The following HPSE2 variants were observed in gnomAD, a reference collection of about 807,000 sequenced individuals.
HPSE2 encodes heparanase 2 (inactive).
HPSE2 carries 38 observed loss-of-function variants against 60.5 expected under a neutral mutation model. That is an observed-to-expected ratio of 0.63 (90% CI 0.48 to 0.82). HPSE2 has a LOEUF of 0.82. Ranked by LOEUF, HPSE2 falls within the 40% of genes least tolerant of loss-of-function variation. The pLI is 0.00. For synonymous variants in HPSE2, 295 were observed against 293.2 expected, an observed-to-expected ratio of 1.01 and a Z score of -0.06; for missense variants, 713 against 740.4, an observed-to-expected ratio of 0.96 and a Z score of 0.43.
intron 9 of HPSE2, among the ~76,000 whole-genome samples, chr10:98,561,165 G>GTT (rs141881144): frequency 0.28 from 40,328 of 144,868 alleles, 6,988 homozygotes; most frequent in East Asian, 0.37. Context: ...TTTTTTTTTT[G>GTT]TTCTTTTTTT....
intron 3 of HPSE2, among the ~76,000 whole-genome samples, chr10:98,962,356 T>G (rs1275420154): frequency 2.0e-5 from 3 of 150,386 alleles, no homozygotes; most frequent in Non-Finnish European, 3.0e-5. Flanking sequence ...TTCACGATAT[T>G]GATTCTTCCT....
Position 98,858,772 on chromosome 10 carries a change from A to G in HPSE2, c.611-114716T>C, listed in dbSNP as rs373599539. Reference sequence around the variant, plus strand: ...TGCTAGAAGAAATAGAGGCTACATAACCCCTACCTACCTTACCAACAGGTT... The same window carrying G: ...TGCTAGAAGAAATAGAGGCTACATAGCCCCTACCTACCTTACCAACAGGTT... On this transcript the variant is annotated intron_variant, in intron 3 of 11. Coordinates refer to ENST00000370552, the MANE Select transcript of HPSE2 (RefSeq NM_021828.5). Among the ~76,000 whole-genome samples, 116 of 152,308 alleles carry G rather than the reference A, an allele frequency of 7.6e-4. 1 individual carries two copies. Among genetic ancestry groups the G allele is most frequent in the African/African-American group, 2.7e-3 (112 of 41,568 alleles).
intron 10 of HPSE2, among the ~76,000 whole-genome samples, chr10:98,484,254 CT>C (rs2133655448): frequency 6.7e-6 from 1 of 148,924 alleles, no homozygotes; most frequent in East Asian, 2.0e-4. Flanking sequence ...TCCTTCCTTC[CT>C]TTCTTTCTTT....
intron 3 of HPSE2, among the ~76,000 whole-genome samples, chr10:99,068,984 CAAAG>C (rs1842701495): frequency 6.6e-6 from 1 of 152,124 alleles, no homozygotes; most frequent in African/African-American, 2.4e-5. Flanking sequence ...AATCTTCACT[CAAAG>C]AAAAGCCAAG....
chr10:99,085,779 A>G (rs569346049), intron 3 of HPSE2, among the ~76,000 whole-genome samples: 48 of 152,218 alleles, frequency 3.2e-4, no homozygotes, highest in Non-Finnish European at 6.0e-4. Flanking sequence ...CGAATTCCTC[A>G]GTTTAGCATT....
At position 98,457,357 on chromosome 10, in the gene HPSE2, T is replaced by C. The variant is rs1181655819; in HGVS notation, c.*2217A>G. 6.6e-6 allele frequency: 1 copy of C among 152,222 alleles called. No homozygotes were observed. Among genetic ancestry groups the C allele is most frequent in the East Asian group, 1.9e-4 (1 of 5,168 alleles). The allele number at this position is 152,222 out of a possible 1,614,324, so 9.4% of individuals were successfully genotyped here. A position where few individuals can be genotyped will look rare whatever the true frequency, so the allele number is the denominator to read the frequency against. ...CTGAGTGGGCAGGCTCTGGATTATT[T>C]CGCGCTCGGCAACCCATTTCCCCGG... is the stretch of plus-strand genomic sequence containing the variant. On this transcript the variant is annotated 3_prime_UTR_variant, in exon 12 of 12. Coordinates refer to ENST00000370552, the MANE Select transcript of HPSE2 (RefSeq NM_021828.5).
the HPSE2 span, among the ~76,000 whole-genome samples, chr10:99,265,536 C>T: frequency 1.3e-5 from 2 of 152,194 alleles, no homozygotes; most frequent in African/African-American, 2.4e-5. Context: ...CCATGGCACA[C>T]GTTTACCTAT....
At chr10:99,138,108 G>T (rs1845728267) in intron 3 of HPSE2, among the ~76,000 whole-genome samples, 1 of 152,152 alleles carries the variant, frequency 6.6e-6, no homozygotes, top group Non-Finnish European at 1.5e-5. Context: ...CTCAAAAGAA[G>T]ACATTTATGC....
intron 3 of HPSE2, among the ~76,000 whole-genome samples, chr10:99,089,206 G>T: frequency 6.6e-6 from 1 of 152,050 alleles, no homozygotes; most frequent in Non-Finnish European, 1.5e-5. Context: ...TTTTGTTTTG[G>T]TTGCATTTGC....
intron 3 of HPSE2, among the ~76,000 whole-genome samples, chr10:98,947,597 T>TA (rs1454672819): frequency 6.6e-6 from 1 of 152,102 alleles, no homozygotes; most frequent in Non-Finnish European, 1.5e-5. Flanking sequence ...TATTCTAGAA[T>TA]AAAATGCCAC....
At chr10:99,012,907 A>G (rs528311146) in intron 3 of HPSE2, among the ~76,000 whole-genome samples, 1 of 152,354 alleles carries the variant, frequency 6.6e-6, no homozygotes, top group South Asian at 2.1e-4. Flanking sequence ...TACTTTGGAA[A>G]AAACTAATGA....
chr10:98,973,903 C>T (rs1038279996), intron 3 of HPSE2, among the ~76,000 whole-genome samples: 5 of 152,038 alleles, frequency 3.3e-5, no homozygotes, highest in Non-Finnish European at 7.4e-5. Flanking sequence ...TATTCATCCT[C>T]ATCATCCTCC....
chr10:99,044,907 A>T (rs1466398539), intron 3 of HPSE2, among the ~76,000 whole-genome samples: 2 of 152,166 alleles, frequency 1.3e-5, no homozygotes, highest in African/African-American at 4.8e-5. Context: ...AGACAACCAC[A>T]CAACAATAGT....
rs188223103 is a variant in HPSE2, at chr10:98,692,330, A to C, written c.1004+1570T>G. Among the ~76,000 whole-genome samples the C allele has an allele frequency of 3.3e-5, 5 of 152,234 alleles. No homozygotes were observed. The East Asian group carries it at 9.7e-4, about 29-fold the overall frequency. ...CAGAATAAGGGCAGAGTGGCACCAG[A>C]TGAAATCAGAAAGTAGCAGAGGCCA... On this transcript the variant is annotated intron_variant, in intron 6 of 11. Coordinates refer to ENST00000370552, the MANE Select transcript of HPSE2 (RefSeq NM_021828.5).
intron 4 of HPSE2, among the ~76,000 whole-genome samples, chr10:98,725,572 G>A (rs1359424217): frequency 2.0e-5 from 3 of 152,142 alleles, no homozygotes; most frequent in Non-Finnish European, 4.4e-5. Flanking sequence ...TCAGGACATA[G>A]GCATGGTCAA....
chr10:99,140,369 C>T (rs774878311), intron 3 of HPSE2, among the ~76,000 whole-genome samples: 1 of 152,138 alleles, frequency 6.6e-6, no homozygotes, highest in Non-Finnish European at 1.5e-5. Context: ...TTGTGTAATG[C>T]CATCCATCTA....
intron 9 of HPSE2, among the ~76,000 whole-genome samples, chr10:98,556,481 TG>T (rs1944011790): frequency 6.6e-6 from 1 of 152,234 alleles, no homozygotes; most frequent in South Asian, 2.1e-4. Flanking sequence ...GCAACGTCAC[TG>T]GATATAAGGT....
chr10:98,830,978 C>A (rs1413336867), intron 3 of HPSE2, among the ~76,000 whole-genome samples: 1 of 152,164 alleles, frequency 6.6e-6, no homozygotes, highest in East Asian at 1.9e-4. Context: ...TAAGTAATTG[C>A]TGCAGTAATG....
intron 3 of HPSE2, among the ~76,000 whole-genome samples, chr10:98,780,524 T>C (rs1407900358): frequency 1.3e-5 from 2 of 152,134 alleles, no homozygotes; most frequent in African/African-American, 4.8e-5. Context: ...TAAAAATCAA[T>C]AGCAGTTTTG....
Sources: gnomAD v4.1 joint callset for allele counts (sites outside exome capture counted in the v4.1 genomes callset) on GRCh38, gnomAD v4.1.1 for gene constraint, MANE v1.5 for transcripts, NCBI Gene and HGNC (gene_info 2026-07-23, HGNC 2026-07-21) for gene names.